MYO5B: variants seen among roughly 807,000 people sequenced by gnomAD.
The protein encoded by MYO5B is unconventional myosin-Vb.
Under a neutral mutation model 229.3 loss-of-function variants are expected in MYO5B, and 143 were observed. The observed-to-expected ratio is 0.62, with a 90% CI of 0.54 to 0.72. The LOEUF is 0.72. Among genes scored for constraint, MYO5B ranks in the 30% least tolerant of loss-of-function variants. The pLI is 0.00. For missense variants in MYO5B, 2,321 were observed against 2,331.0 expected (o/e 1.00, Z 0.09); for synonymous variants, 918 against 885.2 (o/e 1.04, Z -0.66).
At chr18:50,155,701 G>T (rs1289513080) in intron 1 of MYO5B, among the ~76,000 whole-genome samples, 1 of 152,208 alleles carries the variant, frequency 6.6e-6, no homozygotes, top group Non-Finnish European at 1.5e-5. Context: ...GTGTGTTCAA[G>T]TAAGACTTGG....
intron 1 of MYO5B, among the ~76,000 whole-genome samples, chr18:50,106,037 C>T (rs1034579812): frequency 1.3e-5 from 2 of 152,104 alleles, no homozygotes; most frequent in Non-Finnish European, 2.9e-5. Flanking sequence ...CATAACTCAT[C>T]CTCCCATCCT....
intron 22 of MYO5B, among the ~76,000 whole-genome samples, chr18:49,890,481 T>C (rs1005173250): frequency 1.3e-5 from 2 of 152,220 alleles, no homozygotes; most frequent in Non-Finnish European, 2.9e-5. Flanking sequence ...AGGAAAATCC[T>C]GTATCTATGA....
At chr18:50,081,011 T>C (rs1003288799) in intron 1 of MYO5B, among the ~76,000 whole-genome samples, 1 of 152,168 alleles carries the variant, frequency 6.6e-6, no homozygotes, top group Non-Finnish European at 1.5e-5. Flanking sequence ...TAAAAATATA[T>C]ATATTTTCAT....
At position 49,906,490 on chromosome 18, in the gene MYO5B, CT is replaced by C. The variant is rs1568025941; in HGVS notation, c.2342del (p.Lys781ArgfsTer2). On this transcript the variant is annotated frameshift_variant, in exon 19 of 40. Coordinates refer to ENST00000285039, the MANE Select transcript of MYO5B (RefSeq NM_001080467.3). LOFTEE classifies it high-confidence loss of function. ...CCCCCTTCAGCCTGTGATATTTCAC[CT>C]TCTGCAGCCATCCCCGGACAGTTTT... is the stretch of plus-strand genomic sequence containing the variant. ...IQKTVRGWLQ[K>X]VKYHRLKGAT... 6.2e-7 allele frequency: 1 copy of C among 1,614,196 alleles called. No homozygotes were observed. Among genetic ancestry groups the C allele is most frequent in the East Asian group, 2.2e-5 (1 of 44,874 alleles).
At chr18:50,087,086 C>T (rs2031345901) in intron 1 of MYO5B, among the ~76,000 whole-genome samples, 2 of 152,184 alleles carry the variant, frequency 1.3e-5, no homozygotes, top group African/African-American at 4.8e-5. Flanking sequence ...CATGGACACT[C>T]CTCAATACCA....
At chr18:50,130,046 T>C (rs1403534936) in intron 1 of MYO5B, among the ~76,000 whole-genome samples, 2 of 152,144 alleles carry the variant, frequency 1.3e-5, no homozygotes, top group Admixed American at 1.3e-4. Flanking sequence ...CTCAGCATGT[T>C]CAGCACAGCC....
At chr18:49,913,397 A>G (rs2024979029) in intron 17 of MYO5B, among the ~76,000 whole-genome samples, 1 of 152,156 alleles carries the variant, frequency 6.6e-6, no homozygotes, top group South Asian at 2.1e-4. Flanking sequence ...ACTTCTTCAT[A>G]TAGTCATGTA....
chr18:49,858,613 G>C (rs1243865134), intron 29 of MYO5B, among the ~76,000 whole-genome samples: 2 of 152,224 alleles, frequency 1.3e-5, no homozygotes, highest in African/African-American at 2.4e-5. Flanking sequence ...GAGCTCTCTA[G>C]GGTGGGGCAC....
intron 22 of MYO5B, among the ~76,000 whole-genome samples, chr18:49,891,387 C>T (rs1454690891): frequency 6.6e-6 from 1 of 152,184 alleles, no homozygotes; most frequent in East Asian, 1.9e-4. Flanking sequence ...GGGGGTAATT[C>T]ACGTTAGATT....
At chr18:49,905,769 T>C (rs1301513226) in intron 19 of MYO5B, among the ~76,000 whole-genome samples, 2 of 152,212 alleles carry the variant, frequency 1.3e-5, no homozygotes, top group African/African-American at 4.8e-5. Context: ...GTCTTCAGCC[T>C]GTCTTGGCTG....
At chr18:50,160,542 G>A (rs187855769) in intron 1 of MYO5B, among the ~76,000 whole-genome samples, 25 of 152,224 alleles carry the variant, frequency 1.6e-4, no homozygotes, top group East Asian at 7.7e-4. Flanking sequence ...TCCTCCAGCC[G>A]ACTGTGTTCC....
In MYO5B at chr18:50,040,156, G is replaced by A. The variant is rs1163252765; in HGVS notation, c.297C>T (p.Ile99=). The change falls in exon 3 of 40, where the codon ATC becomes ATT. Residue 99 remains isoleucine (I), a synonymous_variant. Transcript: ENST00000285039. ...CCCCCCACTTACCACAGTAAGTGTA[G>A]ATATGGTTGGACTCCAGGAAACGGA... is the stretch of plus-strand genomic sequence containing the variant. ...LKVRFLESNH[I]YTYCGIVLVA... 3.7e-6 allele frequency: 6 copies of A among 1,614,012 alleles called. No homozygotes were observed. The highest frequency in any genetic ancestry group is 3.3e-5 in the Admixed American group (2 of 60,004).
rs1158316036 is a variant in MYO5B, at chr18:49,874,691, G to A, written c.3537+996C>T. ...GGTAGGGATTGAGAACATGGGGTAG[G>A]TGTCAAACTCCACAATTAATAATTC... On this transcript the variant is annotated intron_variant, in intron 26 of 39. Coordinates refer to ENST00000285039, the MANE Select transcript of MYO5B (RefSeq NM_001080467.3). 2.6e-5 allele frequency among the ~76,000 whole-genome samples: 4 copies of A among 152,202 alleles called. No individual in the cohort carries two copies. In the East Asian group the frequency reaches 7.7e-4, roughly 29 times the overall value.
chr18:50,077,652 T>G (rs2031120223), intron 1 of MYO5B, among the ~76,000 whole-genome samples: 1 of 152,180 alleles, frequency 6.6e-6, no homozygotes, highest in Non-Finnish European at 1.5e-5. Flanking sequence ...TTAATCAGAA[T>G]TTCTTAATTA....
intron 1 of MYO5B, among the ~76,000 whole-genome samples, chr18:50,102,479 C>T (rs2031674637): frequency 1.3e-5 from 2 of 152,116 alleles, no homozygotes; most frequent in Non-Finnish European, 2.9e-5. Context: ...CCTCAATGGT[C>T]CAGCAACACA....
At chr18:49,851,583 A>G (rs2024201259) in intron 31 of MYO5B, among the ~76,000 whole-genome samples, 2 of 152,258 alleles carry the variant, frequency 1.3e-5, no homozygotes, top group Non-Finnish European at 2.9e-5. Flanking sequence ...AATTCAATTC[A>G]TAAGGAATCT....
At chr18:50,155,201 C>A (rs950014322) in intron 1 of MYO5B, among the ~76,000 whole-genome samples, 1 of 152,186 alleles carries the variant, frequency 6.6e-6, no homozygotes, top group South Asian at 2.1e-4. Flanking sequence ...GTGGCACAAA[C>A]AACCAGGCCT....
chr18:50,009,485 A>C (rs1383508992), intron 4 of MYO5B, among the ~76,000 whole-genome samples: 1 of 152,236 alleles, frequency 6.6e-6, no homozygotes, highest in Non-Finnish European at 1.5e-5. Context: ...AACTATATTA[A>C]TATAAAAAAC....
At position 49,826,600 on chromosome 18, in the gene MYO5B, G is replaced by T. The variant is rs754801055; in HGVS notation, c.5418C>A (p.Asp1806Glu). Reference protein sequence around the residue: ...TIQAQLQERNDPQQLLLDAKH... With the variant: ...TIQAQLQERNEPQQLLLDAKH... ...TGGCATCTAATAGCAGTTGCTGAGGGTCATTCCGCTCTTGTAGTTGTGCCT... is the reference window on the plus strand; with the variant it reads ...TGGCATCTAATAGCAGTTGCTGAGGTTCATTCCGCTCTTGTAGTTGTGCCT... The change falls in exon 40 of 40, where the codon GAC becomes GAA. Residue 1806 changes from aspartate (D) to glutamate (E), a missense_variant. Asp to Glu is a conservative substitution (Grantham distance 45). This residue lies in a region of MYO5B where 208 missense variants were observed against 286.3 expected (regional missense o/e 0.73). Transcript: ENST00000285039. The T allele has an allele frequency of 1.9e-6, 3 of 1,613,556 alleles. No homozygotes were observed. Among genetic ancestry groups the T allele is most frequent in the Non-Finnish European group, 2.5e-6 (3 of 1,179,894 alleles).
Sources: allele counts gnomAD v4.1 joint callset (sites outside exome capture counted in the v4.1 genomes callset), GRCh38; gene constraint gnomAD v4.1.1; regional missense constraint gnomAD v4.1.1; transcripts MANE v1.5; gene names NCBI Gene and HGNC (gene_info 2026-07-23, HGNC 2026-07-21).